Variants in DNM3 observed in about 807,000 individuals in gnomAD.
DNM3 encodes the protein dynamin 3, also known as dynamin-3.
In DNM3, 47 loss-of-function variants were observed where a neutral mutation model predicts 101.6. The ratio of observed to expected loss-of-function variants is 0.46; its 90% CI spans 0.37 to 0.59. The LOEUF is 0.59. Ranked by LOEUF, DNM3 falls within the 20% of genes least tolerant of loss-of-function variation. DNM3 has a pLI of 0.00. For missense variants in DNM3, 849 were observed against 1,085.7 expected, an observed-to-expected ratio of 0.78 and a Z score of 3.06; for synonymous variants, 385 against 387.9, an observed-to-expected ratio of 0.99 and a Z score of 0.09.
chr1:172,272,361 T>C (rs1249374174), intron 15 of DNM3, among the ~76,000 whole-genome samples: 2 of 152,168 alleles, frequency 1.3e-5, no homozygotes, highest in Non-Finnish European at 2.9e-5. Flanking sequence ...AGGATATCCT[T>C]AAGTGAAACT....
chr1:171,943,928 CCTAT>C (rs2041980266), intron 2 of DNM3, among the ~76,000 whole-genome samples: 1 of 151,876 alleles, frequency 6.6e-6, no homozygotes, highest in Non-Finnish European at 1.5e-5. Context: ...AATCATTTCC[CCTAT>C]GAATGTATTA....
intron 16 of DNM3, among the ~76,000 whole-genome samples, chr1:172,312,340 C>A (rs559157426): frequency 1.3e-5 from 2 of 152,110 alleles, no homozygotes; most frequent in South Asian, 4.1e-4. Context: ...GCTTTCTGCA[C>A]AAGATACCTC....
chr1:172,062,253 T>G (rs536154291), intron 10 of DNM3, among the ~76,000 whole-genome samples: 134 of 152,276 alleles, frequency 8.8e-4, no homozygotes, highest in Admixed American at 1.6e-3. Flanking sequence ...AAAATCTGGT[T>G]ATGATCTTCA....
intron 13 of DNM3, among the ~76,000 whole-genome samples, chr1:172,104,205 G>C (rs2054850074): frequency 6.6e-6 from 1 of 151,956 alleles, no homozygotes; most frequent in Non-Finnish European, 1.5e-5. Flanking sequence ...TCTATCTCTT[G>C]ACTTTCAGTT....
chr1:171,933,694 G>C (rs1263257659), intron 2 of DNM3, among the ~76,000 whole-genome samples: 3 of 152,032 alleles, frequency 2.0e-5, no homozygotes, highest in Non-Finnish European at 2.9e-5. Context: ...GATTGGGGAG[G>C]GTCTTGTGAG....
intron 4 of DNM3, 105 bp downstream of exon 4, chr1:171,989,253 T>A: frequency 1.1e-6 from 1 of 929,506 alleles, no homozygotes; most frequent in Non-Finnish European, 1.5e-6. Context: ...ATAAATAAAT[T>A]AGCCATTATT....
At chr1:172,395,542 A>G (rs1300336827) in intron 20 of DNM3, among the ~76,000 whole-genome samples, 1 of 152,192 alleles carries the variant, frequency 6.6e-6, no homozygotes, top group Non-Finnish European at 1.5e-5. Context: ...AAAAATGAAA[A>G]TGTAAATGCT....
At chr1:172,361,261 G>A (rs764208408) in intron 17 of DNM3, among the ~76,000 whole-genome samples, 7 of 151,908 alleles carry the variant, frequency 4.6e-5, no homozygotes, top group Non-Finnish European at 5.9e-5. Flanking sequence ...CTCCTTTCCC[G>A]TTCAACCATT....
chr1:172,044,399 G>T lies in DNM3; in HGVS notation c.1143G>T (p.Glu381Asp). Reference protein sequence around the residue: ...PFEIVKMEFNEKELRREISYA... With the variant: ...PFEIVKMEFNDKELRREISYA... Reference sequence around the variant, plus strand: ...TGCATCTGCAGATGGAGTTCAATGAGAAAGAATTGCGAAGAGAAATAAGCT... The same window carrying T: ...TGCATCTGCAGATGGAGTTCAATGATAAAGAATTGCGAAGAGAAATAAGCT... Residue 381 changes from glutamate to aspartate, a missense_variant, in exon 9 of 21, where the codon GAG becomes GAT. Physicochemically the swap from Glu to Asp is conservative, Grantham distance 45. Transcript: ENST00000627582. 6.2e-7 allele frequency: 1 copy of T among 1,607,892 alleles called. No homozygotes were observed. The highest frequency in any genetic ancestry group is 8.5e-7 in the Non-Finnish European group (1 of 1,177,150).
intron 16 of DNM3, among the ~76,000 whole-genome samples, chr1:172,311,841 T>A (rs1256315616): frequency 3.3e-5 from 5 of 152,250 alleles, no homozygotes; most frequent in African/African-American, 4.8e-5. Context: ...TTTGGTACAA[T>A]TGCTTAGAAG....
At chr1:172,206,849 A>G (rs536192125) in intron 14 of DNM3, among the ~76,000 whole-genome samples, 14 of 152,080 alleles carry the variant, frequency 9.2e-5, no homozygotes, top group Non-Finnish European at 1.6e-4. Context: ...ATTCAGACCT[A>G]AAGATCAGGC....
intron 1 of DNM3, 76 bp from the exon 2 acceptor site, chr1:171,921,672 T>A (rs2040181665): frequency 8.5e-7 from 1 of 1,171,664 alleles, no homozygotes; most frequent in South Asian, 1.3e-5. Context: ...GGAGAATTGC[T>A]GTGGAACTTG....
At chr1:172,301,268 G>A (rs965703016) in intron 15 of DNM3, among the ~76,000 whole-genome samples, 2 of 152,164 alleles carry the variant, frequency 1.3e-5, no homozygotes, top group Admixed American at 6.5e-5. Context: ...TTAGGAGGTC[G>A]AGGCAGGAGG....
chr1:172,293,649 A>T (rs1056964012), intron 15 of DNM3, among the ~76,000 whole-genome samples: 1 of 152,190 alleles, frequency 6.6e-6, no homozygotes, highest in East Asian at 1.9e-4. Flanking sequence ...TCAGTGTTTT[A>T]GACCTGTATC....
At chr1:172,347,948 A>G (rs1016511489) in intron 17 of DNM3, among the ~76,000 whole-genome samples, 1 of 152,148 alleles carries the variant, frequency 6.6e-6, no homozygotes, top group Admixed American at 6.5e-5. Context: ...TATAGGTAAA[A>G]GAAAATTATA....
intron 11 of DNM3, 62 bp downstream of exon 11, chr1:172,068,967 T>C: frequency 6.9e-7 from 1 of 1,445,294 alleles, no homozygotes. Context: ...CTCTGCAAGG[T>C]TGTCTGGTAG....
At chr1:172,033,036 G>T in intron 5 of DNM3, 69 bp from the exon 6 acceptor site, 1 of 1,548,162 alleles carries the variant, frequency 6.5e-7, no homozygotes, top group Non-Finnish European at 8.7e-7. Context: ...CTATGTGAGA[G>T]CCTTGAAATC....
At position 171,895,853 on chromosome 1, in the gene DNM3, A is replaced by C. The variant is rs879931611; in HGVS notation, c.162-25895A>C. 7.0e-4 allele frequency among the ~76,000 whole-genome samples: 106 copies of C among 152,312 alleles called. No individual in the cohort carries two copies. In the Middle Eastern group the frequency reaches 0.017, roughly 24 times the overall value. Reference sequence around the variant, plus strand: ...AAGGGATCCAGTTTCAGCTTTCTACATATGGCTAGCCAGTTTTCCCAGCAC... The same window carrying C: ...AAGGGATCCAGTTTCAGCTTTCTACCTATGGCTAGCCAGTTTTCCCAGCAC... On this transcript the variant is annotated intron_variant, in intron 1 of 20. Transcript: ENST00000627582.
At chr1:172,124,616 G>A (rs918323358) in intron 13 of DNM3, among the ~76,000 whole-genome samples, 2 of 152,198 alleles carry the variant, frequency 1.3e-5, no homozygotes, top group African/African-American at 2.4e-5. Context: ...TAGGAGAAGA[G>A]TGAGTGGGGT....
Sources: allele counts gnomAD v4.1 joint callset (sites outside exome capture counted in the v4.1 genomes callset), GRCh38; gene constraint gnomAD v4.1.1; transcripts MANE v1.5; gene names NCBI Gene and HGNC (gene_info 2026-07-23, HGNC 2026-07-21).